CCDC6: variants seen among roughly 807,000 people sequenced by gnomAD.
CCDC6 encodes the protein coiled-coil domain-containing protein 6.
In CCDC6, 20 loss-of-function variants were observed where a neutral mutation model predicts 56.6. That is an observed-to-expected ratio of 0.35 (90% CI 0.25 to 0.51). The LOEUF (loss-of-function observed/expected upper bound fraction) is 0.51, where lower values mean the gene tolerates loss of function less well. Ranked by LOEUF, CCDC6 falls within the 20% of genes least tolerant of loss-of-function variation. The pLI is 0.95. For synonymous variants in CCDC6, 241 were observed against 234.4 expected (o/e 1.03, Z -0.26); for missense variants, 367 against 601.1 (o/e 0.61, Z 4.07).
chr10:59,835,091 A>G (rs2070870406), intron 2 of CCDC6, among the ~76,000 whole-genome samples: 1 of 152,246 alleles, frequency 6.6e-6, no homozygotes, highest in Non-Finnish European at 1.5e-5. Flanking sequence ...CTTAAGTCTT[A>G]AAACCTTTAA....
Position 59,797,855 on chromosome 10 carries a change from T to C in CCDC6, c.1106-3258A>G, listed in dbSNP as rs78155779. Among the ~76,000 whole-genome samples the C allele has an allele frequency of 2.6e-3, 403 of 152,294 alleles. 3 individuals are homozygous for C. Among genetic ancestry groups the C allele is most frequent in the African/African-American group, 9.4e-3 (391 of 41,560 alleles). ...CCCCAGTCCAATATAATGTTCTGTG[T>C]AGTCTTCATGTAGGAGTCCAGGATC... On this transcript the variant is annotated intron_variant, in intron 7 of 8. Coordinates refer to ENST00000263102, the MANE Select transcript of CCDC6 (RefSeq NM_005436.5).
chr10:59,824,937 T>C (rs1256044707), intron 3 of CCDC6, among the ~76,000 whole-genome samples: 1 of 152,212 alleles, frequency 6.6e-6, no homozygotes, highest in African/African-American at 2.4e-5. Flanking sequence ...ATTTCCTTAA[T>C]GCAAGTGACT....
intron 1 of CCDC6, among the ~76,000 whole-genome samples, chr10:59,869,757 T>C (rs1354739864): frequency 1.3e-5 from 2 of 152,116 alleles, no homozygotes; most frequent in African/African-American, 2.4e-5. Flanking sequence ...CTCCAAAGGC[T>C]TCCCATCACA....
intron 1 of CCDC6, among the ~76,000 whole-genome samples, chr10:59,889,750 C>T (rs948876752): frequency 6.6e-6 from 1 of 152,184 alleles, no homozygotes. Context: ...CTTTCTCCAA[C>T]TTGGGCAGCA....
chr10:59,870,088 GAT>G (rs1378106967), intron 1 of CCDC6, among the ~76,000 whole-genome samples: 4 of 152,136 alleles, frequency 2.6e-5, no homozygotes, highest in Non-Finnish European at 5.9e-5. Context: ...CTGCCACAGA[GAT>G]ATCTTTTTAC....
chr10:59,795,709 G>T (rs1404908979), intron 7 of CCDC6, among the ~76,000 whole-genome samples: 2 of 143,254 alleles, frequency 1.4e-5, no homozygotes, highest in African/African-American at 5.2e-5. Flanking sequence ...TCCCACCTAT[G>T]AGTCAGAACA....
chr10:59,835,846 C>G (rs1236343927), intron 2 of CCDC6, among the ~76,000 whole-genome samples: 2 of 151,966 alleles, frequency 1.3e-5, no homozygotes, highest in African/African-American at 2.4e-5. Flanking sequence ...TCGCTTGAGC[C>G]CCAGAGTTTG....
At chr10:59,808,307 G>A (rs1307787078) in intron 5 of CCDC6, among the ~76,000 whole-genome samples, 4 of 152,180 alleles carry the variant, frequency 2.6e-5, no homozygotes, top group East Asian at 1.9e-4. Flanking sequence ...TAAGTTCCCC[G>A]GAGCCATCAA....
chr10:59,795,440 T>G (rs1307581397), intron 7 of CCDC6, among the ~76,000 whole-genome samples: 2 of 144,888 alleles, frequency 1.4e-5, no homozygotes, highest in African/African-American at 5.0e-5. Context: ...AACTGTTAAG[T>G]TGGCCATTAT....
chr10:59,904,903 A>C (rs975653770), intron 1 of CCDC6, among the ~76,000 whole-genome samples: 30 of 148,692 alleles, frequency 2.0e-4, no homozygotes, highest in African/African-American at 7.3e-4. Flanking sequence ...CCTCCACCGA[A>C]GGCATTTCCT....
chr10:59,865,852 C>CAAAAAAAAAAAAAAAAAAA (rs777021321), intron 1 of CCDC6, among the ~76,000 whole-genome samples: 38 of 57,034 alleles, frequency 6.7e-4, no homozygotes, highest in African/African-American at 2.6e-3. Flanking sequence ...TCCATCTCCA[C>CAAAAAAAAAAAAAAAAAAA]AAAAAAAAAA....
At chr10:59,861,909 G>C (rs3106569) in intron 1 of CCDC6, among the ~76,000 whole-genome samples, 1 of 151,982 alleles carries the variant, frequency 6.6e-6, no homozygotes, top group African/African-American at 2.4e-5. Flanking sequence ...AAGATATGGC[G>C]AAAGTTTCTT....
chr10:59,818,495 C>CAGGG (rs2070725480), intron 3 of CCDC6, among the ~76,000 whole-genome samples: 1 of 83,122 alleles, frequency 1.2e-5, no homozygotes, highest in Non-Finnish European at 2.4e-5. Context: ...ATAATGTTGA[C>CAGGG]GGGGGGGGGG....
intron 1 of CCDC6, among the ~76,000 whole-genome samples, chr10:59,900,055 C>T (rs774142220): frequency 2.0e-5 from 3 of 152,166 alleles, no homozygotes; most frequent in East Asian, 1.9e-4. Context: ...CATACATACC[C>T]GTGCCTCTGG....
At chr10:59,901,424 C>T (rs1298346027) in intron 1 of CCDC6, among the ~76,000 whole-genome samples, 1 of 152,142 alleles carries the variant, frequency 6.6e-6, no homozygotes, top group African/African-American at 2.4e-5. Flanking sequence ...TATACAACAT[C>T]AACTATATGG....
intron 7 of CCDC6, among the ~76,000 whole-genome samples, chr10:59,798,636 A>G (rs1036366417): frequency 6.6e-6 from 1 of 152,202 alleles, no homozygotes; most frequent in Non-Finnish European, 1.5e-5. Flanking sequence ...TTAAAAAAAC[A>G]TTGGAGAATA....
intron 1 of CCDC6, among the ~76,000 whole-genome samples, chr10:59,905,295 C>T (rs2071534559): frequency 6.6e-6 from 1 of 152,162 alleles, no homozygotes; most frequent in South Asian, 2.1e-4. Context: ...CTCCAGGGGA[C>T]AGGTAGAAAC....
At position 59,906,365 on chromosome 10, in the gene CCDC6, C is replaced by G. The variant is rs2071547427; in HGVS notation, c.60G>C (p.Ser20=). 1 of 1,594,014 alleles carries G rather than the reference C, an allele frequency of 6.3e-7. No homozygotes were observed. Among genetic ancestry groups the G allele is most frequent in the South Asian group, 1.1e-5 (1 of 90,690 alleles). Reference sequence around the variant, plus strand: ...ACGAGCAGGACGACTGCATGGCGGCCGAGCTGCTGCTGTTGCCCCCCGCCC... The same window carrying G: ...ACGAGCAGGACGACTGCATGGCGGCGGAGCTGCTGCTGTTGCCCCCCGCCC... ...TDGAGGNSSS[S]AAMQSSCSST... Residue 20 remains serine (S), a synonymous_variant, in exon 1 of 9, where the codon TCG becomes TCC. Coordinates refer to ENST00000263102, the MANE Select transcript of CCDC6 (RefSeq NM_005436.5).
At chr10:59,852,905 C>T (rs2071051105) in intron 1 of CCDC6, among the ~76,000 whole-genome samples, 1 of 152,122 alleles carries the variant, frequency 6.6e-6, no homozygotes, top group African/African-American at 2.4e-5. Context: ...CACTATTATG[C>T]CAAAGAGCCC....
Sources: allele counts gnomAD v4.1 joint callset (sites outside exome capture counted in the v4.1 genomes callset), GRCh38; gene constraint gnomAD v4.1.1; transcripts MANE v1.5; gene names NCBI Gene and HGNC (gene_info 2026-07-23, HGNC 2026-07-21).